The following ABCA13 variants were observed in gnomAD, a reference collection of about 807,000 sequenced individuals.
The protein encoded by ABCA13 is ATP binding cassette subfamily A member 13, also known as ATP-binding cassette sub-family A member 13.
In ABCA13, 476 loss-of-function variants were observed where a neutral mutation model predicts 478.7. The ratio of observed to expected loss-of-function variants is 0.99; its 90% CI spans 0.92 to 1.07. The LOEUF is 1.07. ABCA13 is among the 50% of genes least tolerant of loss of function. ABCA13 has a pLI of 0.00. For missense variants in ABCA13, 6,060 were observed against 5,910.6 expected (o/e 1.03, Z -0.83); for synonymous variants, 2,252 against 2,158.9 (o/e 1.04, Z -1.20).
At chr7:48,569,023 T>G (rs2131308867) in intron 55 of ABCA13, among the ~76,000 whole-genome samples, 1 of 152,168 alleles carries the variant, frequency 6.6e-6, no homozygotes, top group African/African-American at 2.4e-5. Flanking sequence ...CTTTTGTTGG[T>G]CATTGTAGCT....
chr7:48,542,058 TA>T (rs1242507393), intron 55 of ABCA13, among the ~76,000 whole-genome samples: 1 of 151,574 alleles, frequency 6.6e-6, no homozygotes, highest in East Asian at 1.9e-4. Flanking sequence ...CACTACTAAA[TA>T]AAATACATTC....
intron 43 of ABCA13, among the ~76,000 whole-genome samples, chr7:48,464,476 A>G (rs963631227): frequency 1.3e-5 from 2 of 152,236 alleles, no homozygotes; most frequent in Non-Finnish European, 2.9e-5. Context: ...TGGGGAAGAT[A>G]GTGTTTTTCT....
chr7:48,596,672 C>T (rs904006424), intron 58 of ABCA13, among the ~76,000 whole-genome samples: 1 of 151,854 alleles, frequency 6.6e-6, no homozygotes, highest in Non-Finnish European at 1.5e-5. Context: ...GTGGCGGGCG[C>T]CTGTAGTCCC....
At chr7:48,611,565 G>A (rs745682017) in intron 58 of ABCA13, among the ~76,000 whole-genome samples, 7 of 152,190 alleles carry the variant, frequency 4.6e-5, no homozygotes, top group Non-Finnish European at 8.8e-5. Context: ...GGGGCAGTGG[G>A]CACGTCTTAC....
intron 14 of ABCA13, 91 bp downstream of exon 14, chr7:48,248,535 G>A (rs1792048971): frequency 9.5e-7 from 1 of 1,050,370 alleles, no homozygotes; most frequent in South Asian, 2.4e-5. Context: ...GATCAATATG[G>A]TAGATTATAT....
At chr7:48,437,216 C>G (rs1285014854) in intron 42 of ABCA13, among the ~76,000 whole-genome samples, 1 of 151,962 alleles carries the variant, frequency 6.6e-6, no homozygotes, top group Non-Finnish European at 1.5e-5. Flanking sequence ...ATCTATGCAT[C>G]TCTAATTGGT....
intron 41 of ABCA13, among the ~76,000 whole-genome samples, chr7:48,426,235 C>CA (rs1821409241): frequency 1.3e-5 from 2 of 152,212 alleles, no homozygotes; most frequent in African/African-American, 4.8e-5. Context: ...TTATCTTTCA[C>CA]ATGAAGGTAG....
intron 58 of ABCA13, among the ~76,000 whole-genome samples, chr7:48,604,587 T>C (rs1362332610): frequency 1.3e-5 from 2 of 152,196 alleles, no homozygotes; most frequent in Non-Finnish European, 2.9e-5. Context: ...TGCACTGTGG[T>C]CTGAGAGACT....
chr7:48,466,416 A>G (rs1027887210), intron 43 of ABCA13, among the ~76,000 whole-genome samples: 6 of 152,228 alleles, frequency 3.9e-5, no homozygotes, highest in African/African-American at 1.4e-4. Context: ...AAGCACACAT[A>G]GGATTCTGTG....
intron 59 of ABCA13, among the ~76,000 whole-genome samples, chr7:48,632,760 G>T (rs959723358): frequency 6.6e-6 from 1 of 152,174 alleles, no homozygotes; most frequent in Non-Finnish European, 1.5e-5. Context: ...ATGTTGAAAA[G>T]ACTATTCAGA....
At chr7:48,639,823 C>A (rs1255982989) in intron 59 of ABCA13, among the ~76,000 whole-genome samples, 1 of 152,074 alleles carries the variant, frequency 6.6e-6, no homozygotes, top group Non-Finnish European at 1.5e-5. Context: ...CAAAAAGTTC[C>A]TAAATAAATG....
chr7:48,622,041 A>C (rs1793189403), intron 59 of ABCA13, among the ~76,000 whole-genome samples: 3 of 152,094 alleles, frequency 2.0e-5, no homozygotes, highest in Non-Finnish European at 4.4e-5. Flanking sequence ...CTCCCTGGTC[A>C]TCTTGACCTC....
At chr7:48,180,077 A>G (rs1004605104) in intron 1 of ABCA13, among the ~76,000 whole-genome samples, 3 of 152,184 alleles carry the variant, frequency 2.0e-5, no homozygotes, top group East Asian at 1.9e-4. Context: ...TCCTGGAGTA[A>G]ACAACACCAA....
At position 48,585,597 on chromosome 7, in the gene ABCA13, G is replaced by A. The variant is rs1464422774; in HGVS notation, c.14506-1557G>A. On this transcript the variant is annotated intron_variant, in intron 56 of 61. Transcript: ENST00000435803. ...CCTAATATTTGTAGAGGTTCTTAAT[G>A]CTTCATTATCATTATTGTTATTATC... is the stretch of plus-strand genomic sequence containing the variant. 2.0e-5 allele frequency among the ~76,000 whole-genome samples: 3 copies of A among 152,084 alleles called. No individual in the cohort carries two copies. In the East Asian group the frequency reaches 5.8e-4, roughly 29 times the overall value.
intron 2 of ABCA13, among the ~76,000 whole-genome samples, chr7:48,195,516 C>G (rs531219764): frequency 2.6e-5 from 4 of 152,134 alleles, no homozygotes; most frequent in Admixed American, 6.5e-5. Flanking sequence ...AGGCCTTTGA[C>G]TGGAACAGCT....
At chr7:48,358,674 C>A (rs1171112767) in intron 31 of ABCA13, among the ~76,000 whole-genome samples, 2 of 151,978 alleles carry the variant, frequency 1.3e-5, no homozygotes, top group Non-Finnish European at 2.9e-5. Context: ...TTCTTGAGGT[C>A]TAGAAACTCA....
rs763560371 is a variant in ABCA13, at chr7:48,274,360, T to A, written c.4694T>A (p.Ile1565Asn). 2 of 1,613,032 alleles carry A rather than the reference T, an allele frequency of 1.2e-6. No individual in the cohort carries two copies. The highest frequency in any genetic ancestry group is 1.7e-6 in the Non-Finnish European group (2 of 1,179,648). The change falls in exon 17 of 62, where the codon ATC becomes AAC. Residue 1565 changes from isoleucine (I) to asparagine (N), a missense_variant. This residue lies in a region of ABCA13 where 4,423 missense variants were observed against 4,309.1 expected (regional missense o/e 1.03). Coordinates refer to ENST00000435803, the MANE Select transcript of ABCA13 (RefSeq NM_152701.5). ...QKLVKGIYFNILENNSSSKTE... is the reference protein window; with the variant it reads ...QKLVKGIYFNNLENNSSSKTE... ...CTTGTAAAAGGTATTTACTTTAACA[T>A]CCTGGAAAATAATTCCTCTTCTAAA...
At chr7:48,483,889 G>A (rs1168793385) in intron 47 of ABCA13, among the ~76,000 whole-genome samples, 1 of 152,218 alleles carries the variant, frequency 6.6e-6, no homozygotes, top group Non-Finnish European at 1.5e-5. Context: ...GAAAAGGGTA[G>A]ATTGTGGGAG....
chr7:48,391,721 G>A (rs1002090453), intron 37 of ABCA13, among the ~76,000 whole-genome samples, 200 bp from the exon 38 acceptor site: 2 of 152,142 alleles, frequency 1.3e-5, no homozygotes, highest in African/African-American at 4.8e-5. Flanking sequence ...AGCATAACAT[G>A]TTAAACTCAC....
Sources: allele counts gnomAD v4.1 joint callset (sites outside exome capture counted in the v4.1 genomes callset), GRCh38; gene constraint gnomAD v4.1.1; regional missense constraint gnomAD v4.1.1; transcripts MANE v1.5; gene names NCBI Gene and HGNC (gene_info 2026-07-23, HGNC 2026-07-21).